ABCC9: variants seen among roughly 807,000 people sequenced by gnomAD.
The protein encoded by ABCC9 is ATP-binding cassette sub-family C member 9.
ABCC9 carries 95 observed loss-of-function variants against 188.3 expected under a neutral mutation model. That is an observed-to-expected ratio of 0.50 (90% CI 0.43 to 0.60). The LOEUF (loss-of-function observed/expected upper bound fraction) is 0.60, where lower values mean the gene tolerates loss of function less well. ABCC9 is among the 20% of genes least tolerant of loss of function. The pLI, the probability that ABCC9 is intolerant of heterozygous loss-of-function variation, is 0.00. For missense variants in ABCC9, 1,102 were observed against 1,876.3 expected, an observed-to-expected ratio of 0.59 and a Z score of 7.62; for synonymous variants, 659 against 652.7, an observed-to-expected ratio of 1.01 and a Z score of -0.15.
chr12:21,841,397 C>T (rs829072), intron 29 of ABCC9, among the ~76,000 whole-genome samples: 1 of 132,120 alleles, frequency 7.6e-6, no homozygotes. Context: ...CTCACTCTGT[C>T]ACCCAGGCTA....
chr12:21,800,016 T>C lies in ABCC9; in HGVS notation c.*1028A>G, dbSNP rs891002524. ...GAGCAAATGATCATGTGTGACACCATTGGGCATAAATGTCTAGAAGAGGTA... is the reference window on the plus strand; with the variant it reads ...GAGCAAATGATCATGTGTGACACCACTGGGCATAAATGTCTAGAAGAGGTA... On this transcript the variant is annotated 3_prime_UTR_variant, in exon 40 of 40. Transcript: ENST00000261200. 1.3e-5 allele frequency: 2 copies of C among 152,188 alleles called. No homozygotes were observed. The highest frequency in any genetic ancestry group is 2.1e-4 in the South Asian group (1 of 4,832). 9.4% of individuals were successfully genotyped at this position (152,188 alleles called of 1,614,324 possible).
intron 8 of ABCC9, among the ~76,000 whole-genome samples, chr12:21,912,032 A>G (rs1270180881): frequency 6.6e-6 from 1 of 152,050 alleles, no homozygotes; most frequent in East Asian, 1.9e-4. Flanking sequence ...AAGTGCCAAC[A>G]TAAAGTAAAG....
intron 31 of ABCC9, chr12:21,828,498 C>T (rs544825313): frequency 8.8e-6 from 2 of 227,924 alleles, no homozygotes; most frequent in African/African-American, 2.3e-5. Context: ...TGTTCTTCTA[C>T]ATTATGCAAG....
Position 21,817,330 on chromosome 12 carries a change from T to C in ABCC9, c.3772-23A>G, listed in dbSNP as rs752616876. On this transcript the variant is annotated intron_variant, in intron 32 of 39. Transcript: ENST00000261200. ...TATCTGTGTCAGGTGATTAAAAAAA[T>C]TGTTTTAAATAAATTAAAGTAAGAA... 6 of 1,611,576 alleles carry C rather than the reference T, an allele frequency of 3.7e-6. No individual in the cohort carries two copies. The Admixed American group carries it at 1.0e-4, about 27-fold the overall frequency.
At chr12:21,876,636 C>T (rs1438492052) in intron 16 of ABCC9, among the ~76,000 whole-genome samples, 1 of 152,018 alleles carries the variant, frequency 6.6e-6, no homozygotes, top group Admixed American at 6.5e-5. Flanking sequence ...AATAGTTTTA[C>T]CAGTTATACA....
intron 5 of ABCC9, among the ~76,000 whole-genome samples, chr12:21,917,774 T>C (rs1035219595): frequency 6.6e-6 from 1 of 152,152 alleles, no homozygotes; most frequent in Non-Finnish European, 1.5e-5. Context: ...CAATATGAGA[T>C]AGAAGCAGAG....
intron 2 of ABCC9, among the ~76,000 whole-genome samples, chr12:21,938,765 G>C (rs1949590693): frequency 6.6e-6 from 1 of 152,108 alleles, no homozygotes; most frequent in Admixed American, 6.5e-5. Context: ...CCCTTCATTA[G>C]CTATAAGCAT....
At chr12:21,883,909 C>A (rs1194714594) in intron 15 of ABCC9, among the ~76,000 whole-genome samples, 1 of 151,956 alleles carries the variant, frequency 6.6e-6, no homozygotes, top group Non-Finnish European at 1.5e-5. Context: ...TAAGTCATAT[C>A]TAGAAATTTG....
At chr12:21,842,031 A>G (rs1320305091) in intron 29 of ABCC9, among the ~76,000 whole-genome samples, 1 of 152,140 alleles carries the variant, frequency 6.6e-6, no homozygotes, top group Non-Finnish European at 1.5e-5. Flanking sequence ...GTTATATAAA[A>G]TGGGTGGCAT....
At chr12:21,845,897 C>G in intron 25 of ABCC9, 65 bp from the exon 26 acceptor site, 1 of 1,136,608 alleles carries the variant, frequency 8.8e-7, no homozygotes, top group Non-Finnish European at 1.3e-6. Context: ...TTTTATTGCT[C>G]CACAAATAGT....
chr12:21,829,445 C>T (rs1943617122), intron 30 of ABCC9, among the ~76,000 whole-genome samples: 1 of 152,072 alleles, frequency 6.6e-6, no homozygotes, highest in Admixed American at 6.5e-5. Flanking sequence ...TTGTGATCCG[C>T]CCACCTTGGC....
rs184050871 is a variant in ABCC9, at chr12:21,833,659, T to C, written c.3566+4419A>G. 3.3e-5 allele frequency among the ~76,000 whole-genome samples: 5 copies of C among 152,308 alleles called. No homozygotes were observed. The East Asian group carries it at 9.7e-4, about 29-fold the overall frequency. On this transcript the variant is annotated intron_variant, in intron 30 of 39. Coordinates refer to ENST00000261200, the MANE Select transcript of ABCC9 (RefSeq NM_020297.4). ...TTCAAGGAGAAAACAGAGGCTGTTA[T>C]ATGTTGAACTCATCAACTTCCTGTT...
intron 19 of ABCC9, 73 bp from the exon 20 acceptor site, chr12:21,863,127 A>T: frequency 1.0e-6 from 1 of 955,516 alleles, no homozygotes; most frequent in Admixed American, 2.4e-5. Context: ...ATTTTACTAT[A>T]AATAGGGGAA....
At chr12:21,925,479 G>C (rs1673394717) in intron 5 of ABCC9, 1 of 702,268 alleles carries the variant, frequency 1.4e-6, no homozygotes, top group Non-Finnish European at 2.6e-6. Context: ...GTAAAATGTG[G>C]CATTCCCACA....
chr12:21,915,842 T>C lies in ABCC9; in HGVS notation c.642A>G (p.Arg214=), dbSNP rs1344901878. Reference sequence around the variant, plus strand: ...GCAAATTCACAAATGGTTGAAGAAATCTCACTCCCAGATCCTGGAGGTCTT... The same window carrying C: ...GCAAATTCACAAATGGTTGAAGAAACCTCACTCCCAGATCCTGGAGGTCTT... ...PPEDLQDLGV[R]FLQPFVNLLS... is the part of the protein sequence containing the mutation. The change falls in exon 7 of 40, where the codon AGA becomes AGG. Residue 214 remains arginine (R), a synonymous_variant. Coordinates refer to ENST00000261200, the MANE Select transcript of ABCC9 (RefSeq NM_020297.4). The C allele has an allele frequency of 6.2e-7, 1 of 1,613,560 alleles. No homozygotes were observed. The highest frequency in any genetic ancestry group is 1.1e-5 in the South Asian group (1 of 91,066).
At chr12:21,936,844 A>T in intron 2 of ABCC9, 150 bp from the exon 3 acceptor site, 1 of 602,412 alleles carries the variant, frequency 1.7e-6, no homozygotes, top group Non-Finnish European at 2.8e-6. Flanking sequence ...TGCCAAAGCA[A>T]CTTGAAGCTT....
At chr12:21,927,546 G>A (rs149544550) in intron 4 of ABCC9, among the ~76,000 whole-genome samples, 1 of 152,284 alleles carries the variant, frequency 6.6e-6, no homozygotes, top group Non-Finnish European at 1.5e-5. Context: ...GGGTATGAGG[G>A]TGATGGCAAT....
rs546369520 is a variant in ABCC9, at chr12:21,879,941, A to G, written c.2019+2825T>C. On this transcript the variant is annotated intron_variant, in intron 16 of 39. Coordinates refer to ENST00000261200, the MANE Select transcript of ABCC9 (RefSeq NM_020297.4). ...TAATCATTACAGCGGAGTACTGAAC[A>G]CACATAAATCTGAGAAAAATAAATG... Among the ~76,000 whole-genome samples the G allele has an allele frequency of 3.9e-5, 6 of 152,054 alleles. No homozygotes were observed. The South Asian group carries it at 1.2e-3, about 32-fold the overall frequency.
At chr12:21,839,552 A>C (rs952190049) in intron 29 of ABCC9, among the ~76,000 whole-genome samples, 2 of 152,262 alleles carry the variant, frequency 1.3e-5, no homozygotes, top group Non-Finnish European at 2.9e-5. Context: ...TATATTCATG[A>C]CAACTTTTCT....
Sources: allele counts gnomAD v4.1 joint callset (sites outside exome capture counted in the v4.1 genomes callset), GRCh38; gene constraint gnomAD v4.1.1; transcripts MANE v1.5; gene names NCBI Gene and HGNC (gene_info 2026-07-23, HGNC 2026-07-21).